CPNE9: variants seen among roughly 807,000 people sequenced by gnomAD.
The protein encoded by CPNE9 is copine-9.
Under a neutral mutation model 83.0 loss-of-function variants are expected in CPNE9, and 59 were observed. The observed-to-expected ratio is 0.71, with a 90% CI of 0.58 to 0.88. The LOEUF (loss-of-function observed/expected upper bound fraction) is 0.88. Among genes scored for constraint, CPNE9 ranks in the 40% least tolerant of loss-of-function variants. The probability of loss-of-function intolerance (pLI) is 0.00; values close to 1 mark genes in which losing one functional copy is unlikely to be tolerated. For missense variants in CPNE9, 619 were observed against 720.8 expected, an observed-to-expected ratio of 0.86 and a Z score of 1.62; for synonymous variants, 256 against 273.4, an observed-to-expected ratio of 0.94 and a Z score of 0.63.
At chr3:9,716,989 A>G in intron 14 of CPNE9, 69 bp from the exon 15 acceptor site, 3 of 1,514,776 alleles carry the variant, frequency 2.0e-6, no homozygotes, top group Non-Finnish European at 2.7e-6. Context: ...TATGCACATT[A>G]CTGTTTGAGA....
chr3:9,706,937 C>T (rs1416068583), intron 7 of CPNE9, among the ~76,000 whole-genome samples: 1 of 152,204 alleles, frequency 6.6e-6, no homozygotes, highest in African/African-American at 2.4e-5. Context: ...GGTTGAAGAG[C>T]TAACAGGGCC....
intron 7 of CPNE9, among the ~76,000 whole-genome samples, chr3:9,709,676 A>C (rs2125462352): frequency 6.6e-6 from 1 of 151,980 alleles, no homozygotes; most frequent in South Asian, 2.1e-4. Context: ...CCAAGTTTAT[A>C]ATTTTTTAAC....
intron 18 of CPNE9, among the ~76,000 whole-genome samples, 155 bp from the exon 19 acceptor site, chr3:9,726,510 T>A (rs2076786269): frequency 6.6e-6 from 1 of 152,084 alleles, no homozygotes; most frequent in South Asian, 2.1e-4. Flanking sequence ...TATAGAAACA[T>A]CCTTGAAAAA....
chr3:9,716,986 A>C (rs2076689587), intron 14 of CPNE9, 72 bp from the exon 15 acceptor site: 1 of 1,512,014 alleles, frequency 6.6e-7, no homozygotes, highest in African/African-American at 1.4e-5. Flanking sequence ...CCATATGCAC[A>C]TTACTGTTTG....
rs1310559756 is a variant in CPNE9, at chr3:9,720,988, CTAAT to C, written c.1241+2391_1241+2394del. The stretch of plus-strand genomic sequence containing the variant: ...TTCATAGGGTTGTTGTGAGGACTAA[CTAAT>C]TAATATATGTCAAGCACCTAGAACA... On this transcript the variant is annotated intron_variant, in intron 17 of 20. Transcript: ENST00000383832. Among the ~76,000 whole-genome samples, 7 of 152,318 alleles carry C rather than the reference CTAAT, an allele frequency of 4.6e-5. No homozygotes were observed. In the East Asian group the frequency reaches 7.7e-4, roughly 17 times the overall value.
At chr3:9,705,195 CA>C (rs1210052777) in intron 4 of CPNE9, among the ~76,000 whole-genome samples, 1 of 152,082 alleles carries the variant, frequency 6.6e-6, no homozygotes, top group Non-Finnish European at 1.5e-5. Context: ...GCCCCGCCCA[CA>C]ACTCTGCTCC....
Position 9,718,084 on chromosome 3 carries a change from C to G in CPNE9, c.987C>G (p.Ala329=). ...ACATGAGTCCCTACCAGCTCAGCGC[C>G]TATGCCATGGCCCTCAAGGCAGTGG... ...LHYMSPYQLS[A]YAMALKAVGE... The change falls in exon 16 of 21, where the codon GCC becomes GCG. Residue 329 remains alanine (A), a synonymous_variant. Transcript: ENST00000383832. 6.2e-7 allele frequency: 1 copy of G among 1,614,160 alleles called. No individual in the cohort carries two copies.
chr3:9,724,499 G>A (rs1407014570), intron 17 of CPNE9, among the ~76,000 whole-genome samples: 2 of 152,138 alleles, frequency 1.3e-5, no homozygotes, highest in Admixed American at 6.5e-5. Flanking sequence ...ATAAATCCCT[G>A]AGCGGTCTAA....
chr3:9,726,783 T>A, intron 19 of CPNE9, 61 bp downstream of exon 19: 1 of 1,490,748 alleles, frequency 6.7e-7, no homozygotes, highest in East Asian at 2.3e-5. Flanking sequence ...TGGGAGGGGG[T>A]CGGGTACTTG....
chr3:9,713,208 C>G, intron 10 of CPNE9, 129 bp downstream of exon 10: 2 of 713,310 alleles, frequency 2.8e-6, no homozygotes, highest in Non-Finnish European at 4.7e-6. Context: ...GAGTTTGGGG[C>G]ATGAGGTTGG....
intron 17 of CPNE9, among the ~76,000 whole-genome samples, chr3:9,721,134 T>C (rs1395149645): frequency 6.6e-6 from 1 of 152,212 alleles, no homozygotes; most frequent in Non-Finnish European, 1.5e-5. Context: ...GCACTGAAGA[T>C]TCACAGATGA....
At chr3:9,705,419 T>TTCCCCC in intron 4 of CPNE9, 45 bp from the exon 5 acceptor site, 1 of 662,642 alleles carries the variant, frequency 1.5e-6, no homozygotes. Context: ...TTCCACCCTC[T>TTCCCCC]CCCCCACCCA....
In CPNE9 at chr3:9,713,040, G is replaced by C; in HGVS notation, c.611G>C (p.Ser204Thr). Residue 204 changes from serine (S) to threonine (T), a missense_variant, in exon 10 of 21, where the codon AGC becomes ACC. Coordinates refer to ENST00000383832, the MANE Select transcript of CPNE9 (RefSeq NM_153635.3). ...CTGAATCCTGTGTGGCAGCCCTTCA[G>C]CATCCCTGTGCGGGCTCTGTGCAAT... ...NTLNPVWQPF[S>T]IPVRALCNGD... The C allele has an allele frequency of 2.5e-6, 4 of 1,614,208 alleles. No individual in the cohort carries two copies. The highest frequency in any genetic ancestry group is 3.4e-6 in the Non-Finnish European group (4 of 1,180,030).
At chr3:9,728,742 A>G (rs1264858956) in intron 20 of CPNE9, among the ~76,000 whole-genome samples, 1 of 151,728 alleles carries the variant, frequency 6.6e-6, no homozygotes, top group Non-Finnish European at 1.5e-5. Context: ...TTTCTCCCTT[A>G]TCAGCCCCTC....
chr3:9,720,767 C>G (rs2076726969), intron 17 of CPNE9, among the ~76,000 whole-genome samples: 1 of 152,062 alleles, frequency 6.6e-6, no homozygotes, highest in Admixed American at 6.6e-5. Flanking sequence ...TGCAACTACA[C>G]TAATTCAAAA....
chr3:9,716,970 C>A, intron 14 of CPNE9, 88 bp from the exon 15 acceptor site: 1 of 1,374,636 alleles, frequency 7.3e-7, no homozygotes, highest in Non-Finnish European at 1.0e-6. Context: ...ATGAGCCCCA[C>A]GTGATCCATA....
chr3:9,705,864 G>A (rs1041232863), intron 6 of CPNE9, 123 bp from the exon 7 acceptor site: 3 of 1,343,600 alleles, frequency 2.2e-6, no homozygotes, highest in Non-Finnish European at 2.1e-6. Flanking sequence ...ATGTAGGGCC[G>A]TGGCTCTTGC....
At chr3:9,719,778 G>C (rs1392303203) in intron 17 of CPNE9, among the ~76,000 whole-genome samples, 5 of 151,948 alleles carry the variant, frequency 3.3e-5, no homozygotes, top group Admixed American at 3.3e-4. Context: ...TGAATCATGA[G>C]GTCAGGAGTT....
At chr3:9,709,651 A>G (rs552373893) in intron 7 of CPNE9, among the ~76,000 whole-genome samples, 9 of 151,738 alleles carry the variant, frequency 5.9e-5, no homozygotes, top group Non-Finnish European at 1.3e-4. Context: ...TACAGACGTG[A>G]GCTGCCACGC....
Sources: allele counts gnomAD v4.1 joint callset (sites outside exome capture counted in the v4.1 genomes callset), GRCh38; gene constraint gnomAD v4.1.1; transcripts MANE v1.5; gene names NCBI Gene and HGNC (gene_info 2026-07-23, HGNC 2026-07-21).